Variants in NGEF observed in about 807,000 individuals in gnomAD.
NGEF encodes the protein neuronal guanine nucleotide exchange factor.
In NGEF, 31 loss-of-function variants were observed where a neutral mutation model predicts 80.9. That is an observed-to-expected ratio of 0.38 (90% confidence interval 0.29 to 0.52). The LOEUF is 0.52. Among genes scored for constraint, NGEF ranks in the 20% least tolerant of loss-of-function variants. The pLI, the probability that NGEF is intolerant of heterozygous loss-of-function variation, is 0.84. For synonymous variants in NGEF, 371 were observed against 370.2 expected (o/e 1.00, Z -0.03); for missense variants, 709 against 926.2 (o/e 0.77, Z 3.04).
chr2:232,908,154 A>G (rs920862905), intron 5 of NGEF, among the ~76,000 whole-genome samples: 1 of 152,220 alleles, frequency 6.6e-6, no homozygotes, highest in African/African-American at 2.4e-5. Context: ...GCGTCTTTAA[A>G]CAGCTGTATA....
intron 13 of NGEF, among the ~76,000 whole-genome samples, chr2:232,881,829 G>A (rs1310431541): frequency 2.6e-5 from 4 of 152,112 alleles, no homozygotes; most frequent in East Asian, 1.9e-4. Context: ...CACCCGCCTC[G>A]GCCTCCCAAA....
intron 14 of NGEF, 57 bp downstream of exon 14, chr2:232,881,089 C>A: frequency 7.2e-7 from 1 of 1,395,686 alleles, no homozygotes; most frequent in Non-Finnish European, 1.0e-6. Flanking sequence ...CCCTCCCCGT[C>A]ATCCCTTGTG....
At chr2:232,986,222 C>G (rs573937814) in intron 1 of NGEF, among the ~76,000 whole-genome samples, 3 of 152,114 alleles carry the variant, frequency 2.0e-5, no homozygotes, top group Non-Finnish European at 4.4e-5. Flanking sequence ...TGTTGGTGAA[C>G]GAAGATGTGG....
At chr2:232,948,635 A>T (rs904152320) in intron 3 of NGEF, among the ~76,000 whole-genome samples, 1 of 152,168 alleles carries the variant, frequency 6.6e-6, no homozygotes, top group African/African-American at 2.4e-5. Flanking sequence ...ATTTTTCTGC[A>T]TGTTTAAAAT....
chr2:232,961,534 C>T (rs569761681), intron 3 of NGEF, among the ~76,000 whole-genome samples: 9 of 151,988 alleles, frequency 5.9e-5, no homozygotes, highest in Non-Finnish European at 1.2e-4. Context: ...GCTCTGTCGC[C>T]CAGGCTGGAG....
At chr2:232,933,553 C>G (rs147179574) in intron 3 of NGEF, among the ~76,000 whole-genome samples, 1 of 152,212 alleles carries the variant, frequency 6.6e-6, no homozygotes, top group East Asian at 1.9e-4. Context: ...CCCCTCCTTG[C>G]TCAAACATCT....
Position 232,978,783 on chromosome 2 carries a change from A to G in NGEF, c.-74-3819T>C, listed in dbSNP as rs1233384413. 2.0e-5 allele frequency among the ~76,000 whole-genome samples: 3 copies of G among 152,170 alleles called. No individual in the cohort carries two copies. In the East Asian group the frequency reaches 5.8e-4, roughly 29 times the overall value. On this transcript the variant is annotated intron_variant, in intron 1 of 14. Coordinates refer to ENST00000264051, the MANE Select transcript of NGEF (RefSeq NM_019850.3). The stretch of plus-strand genomic sequence containing the variant: ...CGCCCTTGCTGGAGAGCAGTGGTGC[A>G]GTAGAGGCTCATCCGTGGCTCACTG...
At chr2:232,962,963 C>T (rs1693984393) in intron 3 of NGEF, among the ~76,000 whole-genome samples, 1 of 151,816 alleles carries the variant, frequency 6.6e-6, no homozygotes, top group Admixed American at 6.6e-5. Context: ...TTAACGTATG[C>T]ATTAAACCTG....
At chr2:232,915,708 T>A (rs979888270) in intron 5 of NGEF, among the ~76,000 whole-genome samples, 2 of 152,186 alleles carry the variant, frequency 1.3e-5, no homozygotes. Context: ...TATTTATTTT[T>A]TCTGAGGTGG....
chr2:232,888,569 ACG>A (rs935404729), intron 8 of NGEF, among the ~76,000 whole-genome samples: 1 of 152,214 alleles, frequency 6.6e-6, no homozygotes, highest in Non-Finnish European at 1.5e-5. Flanking sequence ...GCACACACAC[ACG>A]CATGCACGCA....
At chr2:232,913,402 T>C (rs563950384) in intron 5 of NGEF, among the ~76,000 whole-genome samples, 31 of 152,322 alleles carry the variant, frequency 2.0e-4, no homozygotes, top group African/African-American at 7.0e-4. Flanking sequence ...TGCTTTACCT[T>C]GGTGACAGCT....
At chr2:232,898,010 C>A (rs1198208858) in intron 5 of NGEF, among the ~76,000 whole-genome samples, 4 of 152,260 alleles carry the variant, frequency 2.6e-5, no homozygotes, top group African/African-American at 9.6e-5. Flanking sequence ...TGACTGGCAG[C>A]AGACCCCGAG....
intron 3 of NGEF, among the ~76,000 whole-genome samples, chr2:232,947,246 A>T (rs1693578803): frequency 6.6e-6 from 1 of 152,222 alleles, no homozygotes; most frequent in Non-Finnish European, 1.5e-5. Flanking sequence ...ATGCCTTTAG[A>T]TGGGCTGCAG....
intron 1 of NGEF, among the ~76,000 whole-genome samples, chr2:233,009,989 C>T (rs1695169115): frequency 6.6e-6 from 1 of 152,168 alleles, no homozygotes; most frequent in Non-Finnish European, 1.5e-5. Context: ...CCTCTGCCTC[C>T]TGGGTTCAAG....
chr2:232,959,624 G>T (rs770928192), intron 3 of NGEF, among the ~76,000 whole-genome samples: 6 of 146,866 alleles, frequency 4.1e-5, no homozygotes, highest in African/African-American at 1.5e-4. Context: ...TTTTTGCCCT[G>T]GCTGGAGTGC....
chr2:232,904,656 A>G (rs1440778987), intron 5 of NGEF, among the ~76,000 whole-genome samples: 1 of 152,210 alleles, frequency 6.6e-6, no homozygotes, highest in Non-Finnish European at 1.5e-5. Context: ...AAAAAACAAA[A>G]ACTGAGGCCT....
In NGEF at chr2:232,937,989, A is replaced by G. The variant is rs142764322; in HGVS notation, c.384-10803T>C. Among the ~76,000 whole-genome samples the G allele has an allele frequency of 7.3e-3, 1,108 of 152,266 alleles. 16 individuals carry two copies. Among genetic ancestry groups the G allele is most frequent in the African/African-American group, 0.026 (1,063 of 41,540 alleles). On this transcript the variant is annotated intron_variant, in intron 3 of 14. Coordinates refer to ENST00000264051, the MANE Select transcript of NGEF (RefSeq NM_019850.3). Reference sequence around the variant, plus strand: ...TTTGGGATGTGTTGCTCTGGTGGACAGTCATGCTTTTGGTTAACTAGGGAA... The same window carrying G: ...TTTGGGATGTGTTGCTCTGGTGGACGGTCATGCTTTTGGTTAACTAGGGAA...
chr2:232,969,965 G>A (rs1574644648), intron 3 of NGEF: 1 of 224,630 alleles, frequency 4.5e-6, no homozygotes, highest in East Asian at 9.9e-5. Context: ...AGGAGTTTGA[G>A]GCCAGCCTGG....
chr2:232,926,618 C>A lies in NGEF; in HGVS notation c.526+426G>T, dbSNP rs533008370. ...CCAGGCTTTTCCCAGAACCCCCCTT[C>A]ACACGCCTCCTCCTCTAGCCCAACT... On this transcript the variant is annotated intron_variant, in intron 4 of 14. Transcript: ENST00000264051. Among the ~76,000 whole-genome samples, 386 of 152,292 alleles carry A rather than the reference C, an allele frequency of 2.5e-3. 2 individuals carry two copies. The highest frequency in any genetic ancestry group is 4.2e-3 in the Non-Finnish European group (285 of 68,020).
Sources: gnomAD v4.1 joint callset for allele counts (sites outside exome capture counted in the v4.1 genomes callset) on GRCh38, gnomAD v4.1.1 for gene constraint, MANE v1.5 for transcripts, NCBI Gene and HGNC (gene_info 2026-07-23, HGNC 2026-07-21) for gene names.